The following PHIP variants were observed in gnomAD, a reference collection of about 807,000 sequenced individuals.
PHIP encodes the protein PHIP subunit of CUL4-Ring ligase complex, also known as PH-interacting protein.
A neutral mutation model predicts 236.8 loss-of-function variants in PHIP; 54 were observed. That is an observed-to-expected ratio of 0.23 (90% CI 0.18 to 0.29). The LOEUF is 0.29. Ranked by LOEUF, PHIP falls within the 10% of genes least tolerant of loss-of-function variation. The pLI is 1.00. For synonymous variants in PHIP, 756 were observed against 718.9 expected (o/e 1.05, Z -0.83); for missense variants, 1,370 against 2,190.8 (o/e 0.63, Z 7.48).
chr6:79,077,329 G>A (rs978202756), intron 4 of PHIP, 119 bp downstream of exon 4: 19 of 948,082 alleles, frequency 2.0e-5, no homozygotes, highest in Admixed American at 3.6e-5. Flanking sequence ...CCCTCCCCAT[G>A]GCCTTTGGAG....
At position 79,077,747 on chromosome 6, in the gene PHIP, G is replaced by A. The variant is rs953811396; in HGVS notation, c.100-18C>T. 6 of 1,003,074 alleles carry A rather than the reference G, an allele frequency of 6.0e-6. No individual in the cohort carries two copies. The African/African-American group carries it at 7.1e-5, about 12-fold the overall frequency. The allele number at this position is 1,003,074 out of a possible 1,614,324, so 62.1% of individuals were successfully genotyped here. A position where few individuals can be genotyped will look rare whatever the true frequency, so the allele number is the denominator to read the frequency against. ...ATCAGCACCTGCAACAACAAAGCGG[G>A]GAGAGCTGAGCCCCGCGCCCCGGGC... On this transcript the variant is annotated intron_variant, in intron 2 of 39. Coordinates refer to ENST00000275034, the MANE Select transcript of PHIP (RefSeq NM_017934.7).
intron 7 of PHIP, among the ~76,000 whole-genome samples, chr6:79,035,961 A>G (rs974924465): frequency 2.6e-5 from 4 of 152,160 alleles, no homozygotes; most frequent in Admixed American, 2.0e-4. Context: ...CCAATGACCA[A>G]CCCGGTGTCA....
At chr6:78,960,691 T>C (rs1766715162) in intron 31 of PHIP, among the ~76,000 whole-genome samples, 1 of 152,076 alleles carries the variant, frequency 6.6e-6, no homozygotes, top group South Asian at 2.1e-4. Flanking sequence ...TCAAGGACAA[T>C]TATGCTCCCC....
intron 7 of PHIP, among the ~76,000 whole-genome samples, chr6:79,033,073 T>C (rs1266424869): frequency 6.6e-6 from 1 of 152,126 alleles, no homozygotes; most frequent in African/African-American, 2.4e-5. Context: ...TTTTTTTTTT[T>C]CTGAGCAGTA....
intron 23 of PHIP, among the ~76,000 whole-genome samples, chr6:78,982,534 A>G (rs1768605279): frequency 6.6e-6 from 1 of 152,090 alleles, no homozygotes; most frequent in South Asian, 2.1e-4. Flanking sequence ...AAGGATGGTT[A>G]AACATAAAGG....
At chr6:79,021,872 T>C (rs994839064) in intron 9 of PHIP, among the ~76,000 whole-genome samples, 4 of 152,106 alleles carry the variant, frequency 2.6e-5, no homozygotes, top group Admixed American at 2.0e-4. Context: ...TAAAGGAGTG[T>C]AATTGGATAA....
At chr6:79,009,544 T>G (rs1770465930) in intron 15 of PHIP, among the ~76,000 whole-genome samples, 1 of 152,064 alleles carries the variant, frequency 6.6e-6, no homozygotes, top group Non-Finnish European at 1.5e-5. Context: ...TTTTGTATAT[T>G]TTGTCTCCCC....
chr6:78,998,125 G>T (rs1769746381), intron 18 of PHIP, 129 bp downstream of exon 18: 1 of 650,372 alleles, frequency 1.5e-6, no homozygotes, highest in East Asian at 2.7e-5. Flanking sequence ...TCAAAACCAT[G>T]ATCATTTTGG....
At chr6:78,949,459 G>A (rs1187349652) in intron 35 of PHIP, among the ~76,000 whole-genome samples, 1 of 151,958 alleles carries the variant, frequency 6.6e-6, no homozygotes, top group East Asian at 1.9e-4. Flanking sequence ...TCAGAGCTGG[G>A]ACCAGACAAC....
intron 24 of PHIP, among the ~76,000 whole-genome samples, chr6:78,975,469 AG>A (rs928889987): frequency 2.0e-5 from 3 of 152,234 alleles, no homozygotes; most frequent in African/African-American, 7.2e-5. Context: ...GGCACAAGAC[AG>A]GGATGCTCTC....
At chr6:79,017,720 A>T (rs1770901635) in intron 10 of PHIP, 137 bp from the exon 11 acceptor site, 1 of 593,002 alleles carries the variant, frequency 1.7e-6, no homozygotes, top group South Asian at 2.4e-5. Flanking sequence ...ATTTATCCTA[A>T]ATATATAACA....
chr6:79,034,973 A>T (rs534965148), intron 7 of PHIP, among the ~76,000 whole-genome samples: 16 of 152,184 alleles, frequency 1.1e-4, no homozygotes, highest in Non-Finnish European at 1.6e-4. Context: ...ATGAGATAGA[A>T]CTGGCTGAAA....
intron 6 of PHIP, among the ~76,000 whole-genome samples, chr6:79,058,134 A>T (rs945243879): frequency 3.9e-5 from 6 of 152,150 alleles, no homozygotes; most frequent in Non-Finnish European, 8.8e-5. Flanking sequence ...GAAAAAAATT[A>T]TCTTAAACTC....
At chr6:78,986,627 G>A (rs2127720626) in intron 21 of PHIP, among the ~76,000 whole-genome samples, 1 of 152,228 alleles carries the variant, frequency 6.6e-6, no homozygotes, top group East Asian at 1.9e-4. Context: ...CTGTAAGAAT[G>A]GTGTTACTTA....
In PHIP at chr6:79,077,856, T is replaced by G. The variant is rs1293802416; in HGVS notation, c.98A>C (p.Gln33Pro). The G allele has an allele frequency of 6.5e-7, 1 of 1,533,940 alleles. No homozygotes were observed. Among genetic ancestry groups the G allele is most frequent in the Non-Finnish European group, 8.8e-7 (1 of 1,142,178 alleles). ...GGCCCGCGCCGCGCGCCGCCGTACC[T>G]GAGCCGCCTGCTGACAGGGTCCATC... ...LEDGPCQQAA[Q>P]VLIREVAEKE... Residue 33 changes from glutamine to proline, a missense_variant and splice_region_variant, in exon 2 of 40, where the codon CAG (glutamine) becomes CCG (proline). Transcript: ENST00000275034.
chr6:78,997,186 G>T (rs1284126888), intron 19 of PHIP, among the ~76,000 whole-genome samples: 1 of 151,934 alleles, frequency 6.6e-6, no homozygotes, highest in Non-Finnish European at 1.5e-5. Context: ...CCAAATTTAT[G>T]ATTTTCCTGT....
rs535120815 is a variant in PHIP at position 79,011,788 on chromosome 6, C to A, written c.1524+3294G>T. On this transcript the variant is annotated intron_variant, in intron 15 of 39. Coordinates refer to ENST00000275034, the MANE Select transcript of PHIP (RefSeq NM_017934.7). ...ATTTAAACATAAAAGAACTAAATAG[C>A]TTTATCTCAATTCCCAATCTCAAAC... 4.0e-5 allele frequency among the ~76,000 whole-genome samples: 6 copies of A among 151,712 alleles called. No individual in the cohort carries two copies. The South Asian group carries it at 1.2e-3, about 32-fold the overall frequency.
intron 15 of PHIP, among the ~76,000 whole-genome samples, chr6:79,013,770 A>G (rs1261329141): frequency 1.3e-5 from 2 of 151,852 alleles, no homozygotes; most frequent in East Asian, 3.9e-4. Flanking sequence ...TACCAATATA[A>G]TAATGTCCTT....
chr6:79,042,103 G>T (rs1772248860), intron 7 of PHIP, among the ~76,000 whole-genome samples: 1 of 151,848 alleles, frequency 6.6e-6, no homozygotes, highest in Admixed American at 6.6e-5. Flanking sequence ...CAGCCCACAG[G>T]GTAGTGTTTA....
Sources: gnomAD v4.1 joint callset for allele counts (sites outside exome capture counted in the v4.1 genomes callset) on GRCh38, gnomAD v4.1.1 for gene constraint, MANE v1.5 for transcripts, NCBI Gene and HGNC (gene_info 2026-07-23, HGNC 2026-07-21) for gene names.